The following TRRAP variants were observed in gnomAD, a reference collection of about 807,000 sequenced individuals.
TRRAP encodes transformation/transcription domain associated protein.
A neutral mutation model predicts 438.8 loss-of-function variants in TRRAP; 41 were observed. That is an observed-to-expected ratio of 0.09 (90% CI 0.07 to 0.12). TRRAP has a LOEUF of 0.12. TRRAP is among the 10% of genes least tolerant of loss of function. The pLI is 1.00. For synonymous variants in TRRAP, 1,994 were observed against 1,962.9 expected (o/e 1.02, Z -0.42); for missense variants, 3,122 against 5,055.1 (o/e 0.62, Z 11.60).
intron 70 of TRRAP, among the ~76,000 whole-genome samples, chr7:99,009,790 G>C (rs1413849125): frequency 6.6e-6 from 1 of 152,168 alleles, no homozygotes; most frequent in Non-Finnish European, 1.5e-5. Flanking sequence ...TATAGGCAGA[G>C]GGAGATGCCC....
At chr7:98,984,797 A>T (rs983508089) in intron 61 of TRRAP, 147 bp from the exon 62 acceptor site, 1 of 530,108 alleles carries the variant, frequency 1.9e-6, no homozygotes, top group African/African-American at 1.9e-5. Context: ...TCAATCAATA[A>T]ATATTCATGG....
At chr7:98,992,333 C>A in intron 65 of TRRAP, 106 bp downstream of exon 65, 3 of 1,201,316 alleles carry the variant, frequency 2.5e-6, no homozygotes, top group Non-Finnish European at 2.4e-6. Context: ...GCAGCTCACT[C>A]ATAGCCGTGG....
At chr7:98,966,672 G>A (rs907510849) in intron 49 of TRRAP, among the ~76,000 whole-genome samples, 1 of 151,670 alleles carries the variant, frequency 6.6e-6, no homozygotes, top group Non-Finnish European at 1.5e-5. Flanking sequence ...GCATCACGGC[G>A]AGACACTGTC....
chr7:98,950,202 C>T lies in TRRAP; in HGVS notation c.5274C>T (p.Ala1758=). Reference sequence around the variant, plus strand: ...ATTACAGCATCGCTCAGAAACGTGCCCTGTTCTTTCGCTTTGTAGACTTCA... The same window carrying T: ...ATTACAGCATCGCTCAGAAACGTGCTCTGTTCTTTCGCTTTGTAGACTTCA... ...PKNYSIAQKR[A]LFFRFVDFND... Residue 1758 remains alanine (A), a synonymous_variant, in exon 38 of 73, where the codon GCC becomes GCT. Coordinates refer to ENST00000456197, the MANE Select transcript of TRRAP (RefSeq NM_001375524.1). 1.5e-5 allele frequency: 24 copies of T among 1,614,140 alleles called. No individual in the cohort carries two copies. The highest frequency in any genetic ancestry group is 1.9e-5 in the Non-Finnish European group (23 of 1,180,034).
At chr7:98,885,807 C>G (rs1200820255) in intron 3 of TRRAP, among the ~76,000 whole-genome samples, 1 of 152,124 alleles carries the variant, frequency 6.6e-6, no homozygotes, top group Non-Finnish European at 1.5e-5. Flanking sequence ...AGTCTGTGAA[C>G]CTGCAGGAAC....
chr7:98,913,728 G>C (rs566430028), intron 18 of TRRAP, among the ~76,000 whole-genome samples: 1 of 152,288 alleles, frequency 6.6e-6, no homozygotes, highest in East Asian at 1.9e-4. Flanking sequence ...ACATCTTAGA[G>C]AAGATGTCCC....
chr7:99,003,390 CCTTAGGCTCA>C (rs1182698405), intron 67 of TRRAP, among the ~76,000 whole-genome samples: 2 of 152,170 alleles, frequency 1.3e-5, no homozygotes, highest in East Asian at 3.9e-4. Context: ...GTTTCCGTTG[CCTTAGGCTCA>C]CTTTGATTAC....
chr7:99,008,333 G>C (rs777906982), intron 69 of TRRAP, 44 bp from the exon 70 acceptor site: 33 of 1,589,234 alleles, frequency 2.1e-5, no homozygotes, highest in Non-Finnish European at 2.6e-5. Context: ...GCACTGGCCC[G>C]CGGTCACCCT....
chr7:98,999,463 CTCGGCACTTTTTCCTGA>C (rs1441997811), intron 67 of TRRAP: 2 of 825,586 alleles, frequency 2.4e-6, no homozygotes, highest in Non-Finnish European at 4.2e-6. Context: ...AGCTATCCTT[CTCGGCACTTTTTCCTGA>C]GAACTTATCG....
At chr7:98,904,015 G>C (rs1218518835) in intron 12 of TRRAP, among the ~76,000 whole-genome samples, 3 of 151,992 alleles carry the variant, frequency 2.0e-5, no homozygotes, top group Non-Finnish European at 4.4e-5. Context: ...TCACCATGTT[G>C]GCCAGGCTGG....
chr7:98,912,284 G>A (rs1031601496), intron 18 of TRRAP, 71 bp downstream of exon 18: 6 of 1,524,500 alleles, frequency 3.9e-6, no homozygotes, highest in African/African-American at 1.4e-5. Flanking sequence ...AGGGCCTCAC[G>A]GTGGTGTCCA....
intron 53 of TRRAP, among the ~76,000 whole-genome samples, chr7:98,972,356 A>G (rs1293748741): frequency 6.6e-6 from 1 of 152,218 alleles, no homozygotes; most frequent in African/African-American, 2.4e-5. Context: ...ACAGTGTCTT[A>G]TAGGAGAAAA....
intron 1 of TRRAP, among the ~76,000 whole-genome samples, chr7:98,879,013 G>A (rs1483902760): frequency 6.6e-6 from 1 of 151,944 alleles, no homozygotes; most frequent in Non-Finnish European, 1.5e-5. Context: ...GGCGCCCCCC[G>A]GCCAACCTGG....
At chr7:98,951,934 C>T (rs1254609370) in intron 39 of TRRAP, among the ~76,000 whole-genome samples, 3 of 152,150 alleles carry the variant, frequency 2.0e-5, no homozygotes, top group Non-Finnish European at 4.4e-5. Context: ...GCTGTGTCTC[C>T]TGGGTCAGAT....
intron 3 of TRRAP, among the ~76,000 whole-genome samples, chr7:98,886,357 T>TAGATAGAGATAGATATAGATATCTAGAG (rs1562924964): frequency 4.7e-5 from 7 of 148,716 alleles, no homozygotes; most frequent in Admixed American, 6.6e-5. Flanking sequence ...GATATCTATA[T>TAGATAGAGATAGATATAGATATCTAGAG]AGATAGAGAT....
At chr7:98,992,719 A>G (rs918918560) in intron 65 of TRRAP, among the ~76,000 whole-genome samples, 2 of 152,222 alleles carry the variant, frequency 1.3e-5, no homozygotes, top group Admixed American at 1.3e-4. Context: ...ATGCAAAGCA[A>G]CAACTGATTT....
At chr7:98,923,924 G>T (rs1789918262) in intron 21 of TRRAP, among the ~76,000 whole-genome samples, 1 of 152,196 alleles carries the variant, frequency 6.6e-6, no homozygotes, top group Non-Finnish European at 1.5e-5. Context: ...CACTATCTCA[G>T]TCAACCCCAT....
rs757849362 is a variant in TRRAP, at chr7:98,976,226, T to C, written c.7917T>C (p.Leu2639=). Reference sequence around the variant, plus strand: ...TGGCAGAGAAGACGTGGGTCCAGCTTTTCCCCAGATTGTGGAAGATCCTCT... The same window carrying C: ...TGGCAGAGAAGACGTGGGTCCAGCTCTTCCCCAGATTGTGGAAGATCCTCT... ...TTLAEKTWVQ[L]FPRLWKILSD... is the part of the protein sequence containing the mutation. Residue 2639 remains leucine (L), a synonymous_variant, in exon 54 of 73, where the codon CTT becomes CTC. Transcript: ENST00000456197. This position sits in a 1 kb window ranked among gnomAD's most constrained non-coding sequence, Gnocchi z 4.6. 1 of 1,614,198 alleles carries C rather than the reference T, an allele frequency of 6.2e-7. No individual in the cohort carries two copies. Among genetic ancestry groups the C allele is most frequent in the South Asian group, 1.1e-5 (1 of 91,086 alleles).
In TRRAP at chr7:98,955,317, G is replaced by C. The variant is rs560603911; in HGVS notation, c.5937+13G>C. 1 of 1,594,956 alleles carries C rather than the reference G, an allele frequency of 6.3e-7. No individual in the cohort carries two copies. Among genetic ancestry groups the C allele is most frequent in the Non-Finnish European group, 8.6e-7 (1 of 1,165,176 alleles). On this transcript the variant is annotated intron_variant, in intron 41 of 72. Transcript: ENST00000456197. The stretch of plus-strand genomic sequence containing the variant: ...GCAACACTTCAAGGTGTGTAGGAGG[G>C]ACGGTGGGCTGCGGGGCGCGCGTCT...
Sources: allele counts gnomAD v4.1 joint callset (sites outside exome capture counted in the v4.1 genomes callset), GRCh38; gene constraint gnomAD v4.1.1; non-coding constraint Gnocchi (gnomAD v3.1); transcripts MANE v1.5; gene names NCBI Gene and HGNC (gene_info 2026-07-23, HGNC 2026-07-21).